Variants in CDC6 observed in about 807,000 individuals in gnomAD.
The protein encoded by CDC6 is cell division cycle 6.
Under a neutral mutation model 60.2 loss-of-function variants are expected in CDC6, and 46 were observed. That is an observed-to-expected ratio of 0.76 (90% CI 0.60 to 0.98). The LOEUF is 0.98. Among genes scored for constraint, CDC6 ranks in the 50% least tolerant of loss-of-function variants. The probability of loss-of-function intolerance (pLI) is 0.00; values close to 1 mark genes in which losing one functional copy is unlikely to be tolerated. For missense variants in CDC6, 596 were observed against 652.9 expected (o/e 0.91, Z 0.95); for synonymous variants, 210 against 233.2 (o/e 0.90, Z 0.90).
chr17:40,295,623 C>G, intron 8 of CDC6, 167 bp downstream of exon 8: 1 of 621,630 alleles, frequency 1.6e-6, no homozygotes, highest in Non-Finnish European at 2.9e-6. Flanking sequence ...GGATTTCCAC[C>G]GTGTTAATGT....
chr17:40,294,217 A>G (rs975581842), intron 6 of CDC6, 147 bp from the exon 7 acceptor site: 5 of 860,048 alleles, frequency 5.8e-6, no homozygotes, highest in Admixed American at 1.9e-5. Context: ...GATACATCTT[A>G]TCTATTGGGA....
Position 40,291,626 on chromosome 17 carries a change from TG to T in CDC6, c.620del (p.Gly207GlufsTer6). ...SLYLSGAPGT[G>X]KTACLSRILQ... is the part of the protein sequence containing the mutation. Reference sequence around the variant, plus strand: ...TTTACCTTTCTGGTGCTCCTGGAACTGGAAAAACTGCCTGCTTAAGCCGGAT... The same window carrying T: ...TTTACCTTTCTGGTGCTCCTGGAACTGAAAAACTGCCTGCTTAAGCCGGAT... On this transcript the variant is annotated frameshift_variant, in exon 4 of 12. Transcript: ENST00000209728. LOFTEE classifies it high-confidence loss of function. The T allele has an allele frequency of 6.2e-7, 1 of 1,614,230 alleles. No individual in the cohort carries two copies. Among genetic ancestry groups the T allele is most frequent in the Non-Finnish European group, 8.5e-7 (1 of 1,180,036 alleles).
chr17:40,296,708 C>G lies in CDC6; in HGVS notation c.1190C>G (p.Ala397Gly), dbSNP rs1598516994. 6.3e-7 allele frequency: 1 copy of G among 1,590,698 alleles called. No homozygotes were observed. Residue 397 changes from alanine (A) to glycine (G), a missense_variant, in exon 9 of 12, where the codon GCT (alanine) becomes GGT (glycine). By Grantham distance (60) the Ala-to-Gly change is moderately conservative. Transcript: ENST00000209728. ...TTTAGAAATTTTTTTTATAGGAGAG[C>G]TATTGAAATTGTAGAGTCAGATGTC... ...VRKALDVCRR[A>G]IEIVESDVKS...
rs1340785197 is a variant in CDC6 at position 40,295,394 on chromosome 17, A to G, written c.1122A>G (p.Gln374=). 17 of 1,613,850 alleles carry G rather than the reference A, an allele frequency of 1.1e-5. No homozygotes were observed. Among genetic ancestry groups the G allele is most frequent in the East Asian group, 2.2e-5 (1 of 44,894 alleles). The part of the protein sequence containing the change: ...RDQVLDNAAV[Q]FCARKVSAVS... ...AGGTTCTGGACAATGCTGCAGTTCA[A>G]TTCTGTGCCCGCAAAGTCTCTGCTG... The change falls in exon 8 of 12, where the codon CAA becomes CAG. Residue 374 remains glutamine, a synonymous_variant. Transcript: ENST00000209728.
At chr17:40,299,619 C>T (rs2032909716) in intron 9 of CDC6, among the ~76,000 whole-genome samples, 2 of 152,180 alleles carry the variant, frequency 1.3e-5, no homozygotes, top group South Asian at 4.2e-4. Flanking sequence ...GATATCTGGC[C>T]AGGCATGGTG....
rs753803169 is a variant in CDC6, at chr17:40,302,274, G to A, written c.*273G>A. 4.3e-6 allele frequency: 2 copies of A among 466,514 alleles called. No individual in the cohort carries two copies. Among genetic ancestry groups the A allele is most frequent in the Non-Finnish European group, 7.8e-6 (2 of 256,050 alleles). The allele number at this position is 466,514 out of a possible 1,614,324, so 28.9% of individuals were successfully genotyped here. On this transcript the variant is annotated 3_prime_UTR_variant, in exon 12 of 12. Coordinates refer to ENST00000209728, the MANE Select transcript of CDC6 (RefSeq NM_001254.4). ...ATCTCTAGCCAATGTGCTTGCAAGTGTACAGATCTGTGTAGAGGAATGTGT... is the reference window on the plus strand; with the variant it reads ...ATCTCTAGCCAATGTGCTTGCAAGTATACAGATCTGTGTAGAGGAATGTGT...
chr17:40,300,109 C>G (rs532797550), intron 9 of CDC6, among the ~76,000 whole-genome samples: 12 of 152,064 alleles, frequency 7.9e-5, no homozygotes, highest in Admixed American at 5.2e-4. Flanking sequence ...ATTACAGGCG[C>G]CTGCCACCAC....
chr17:40,298,238 G>A (rs2032885927), intron 9 of CDC6, among the ~76,000 whole-genome samples: 1 of 152,046 alleles, frequency 6.6e-6, no homozygotes, highest in African/African-American at 2.4e-5. Flanking sequence ...CAACTTTTCA[G>A]ATTATCCCCT....
intron 9 of CDC6, among the ~76,000 whole-genome samples, chr17:40,299,525 T>G (rs2032908703): frequency 6.6e-6 from 1 of 152,148 alleles, no homozygotes; most frequent in Non-Finnish European, 1.5e-5. Context: ...TATTTGGTTT[T>G]CTGTTCCTAC....
intron 1 of CDC6, among the ~76,000 whole-genome samples, chr17:40,288,532 C>T (rs2032696629): frequency 6.6e-6 from 1 of 151,986 alleles, no homozygotes; most frequent in Admixed American, 6.6e-5. Flanking sequence ...CATTCTCCTG[C>T]CTCAGCCTCT....
chr17:40,294,487 A>C lies in CDC6; in HGVS notation c.1067A>C (p.Gln356Pro). ...AGAAATCAGATAGTCACTATTTTGC[A>C]AGATCGACTTAATCAGGTCAGTGCC... ...YTRNQIVTIL[Q>P]DRLNQVSRDQ... Residue 356 changes from glutamine to proline, a missense_variant, in exon 7 of 12, where the codon CAA becomes CCA. Gln to Pro is a moderately conservative substitution (Grantham distance 76, BLOSUM62 -1). Transcript: ENST00000209728. The C allele has an allele frequency of 2.5e-6, 4 of 1,614,084 alleles. No homozygotes were observed. Among genetic ancestry groups the C allele is most frequent in the Non-Finnish European group, 3.4e-6 (4 of 1,179,990 alleles).
At chr17:40,298,479 C>T (rs893168836) in intron 9 of CDC6, among the ~76,000 whole-genome samples, 3 of 150,716 alleles carry the variant, frequency 2.0e-5, no homozygotes, top group African/African-American at 7.3e-5. Context: ...ATGGCTGGTG[C>T]GATCATGGCT....
chr17:40,298,322 A>T lies in CDC6; in HGVS notation c.1249+1555A>T, dbSNP rs562049647. Among the ~76,000 whole-genome samples the T allele has an allele frequency of 2.0e-5, 3 of 152,096 alleles. No individual in the cohort carries two copies. The South Asian group carries it at 6.2e-4, about 32-fold the overall frequency. On this transcript the variant is annotated intron_variant, in intron 9 of 11. Coordinates refer to ENST00000209728, the MANE Select transcript of CDC6 (RefSeq NM_001254.4). ...CCCTGTGAGCACCACTAACACAAAC[A>T]TAATTCAAAAAGGTAAAGAGGTTGT...
chr17:40,291,822 T>G (rs1425076093), intron 4 of CDC6, among the ~76,000 whole-genome samples, 154 bp downstream of exon 4: 1 of 152,222 alleles, frequency 6.6e-6, no homozygotes, highest in East Asian at 1.9e-4. Flanking sequence ...CTCGGCTCAC[T>G]GCAAGCTCTG....
intron 7 of CDC6, 34 bp downstream of exon 7, chr17:40,294,537 C>T: frequency 6.2e-7 from 1 of 1,602,578 alleles, no homozygotes; most frequent in South Asian, 1.1e-5. Context: ...ATTATGTGTT[C>T]CTTGGATCAC....
intron 9 of CDC6, among the ~76,000 whole-genome samples, chr17:40,298,578 AGTCAGTGGGTGGAGGAGTCTCCTTATGTT>A (rs1381781059): frequency 1.3e-5 from 2 of 151,790 alleles, no homozygotes; most frequent in Admixed American, 6.6e-5. Flanking sequence ...ATTTTTGTAG[AGTCAGTGGGTGGAGGAGTCTCCTTATGTT>A]GCCCAGGCTG....
At chr17:40,293,696 A>C in intron 5 of CDC6, 65 bp downstream of exon 5, 1 of 1,285,546 alleles carries the variant, frequency 7.8e-7, no homozygotes, top group Non-Finnish European at 1.1e-6. Context: ...CATAAAAAGT[A>C]CATTTTGTAT....
rs935249267 is a variant in CDC6 at position 40,291,509 on chromosome 17, T to A, written c.501T>A (p.Ala167=). Reference sequence around the variant, plus strand: ...AAGCAAAGCTGGTCCTGAACACAGCTGTCCCAGATCGGCTGCCTGCCAGGG... The same window carrying A: ...AAGCAAAGCTGGTCCTGAACACAGCAGTCCCAGATCGGCTGCCTGCCAGGG... ...YQQAKLVLNT[A]VPDRLPARER... The change falls in exon 4 of 12, where the codon GCT becomes GCA. Residue 167 remains alanine, a synonymous_variant. Transcript: ENST00000209728. 1.9e-6 allele frequency: 3 copies of A among 1,614,258 alleles called. No individual in the cohort carries two copies.
chr17:40,294,174 A>G (rs779079149), intron 6 of CDC6, 118 bp downstream of exon 6: 227 of 990,466 alleles, frequency 2.3e-4, no homozygotes, highest in Middle Eastern at 4.1e-4. Flanking sequence ...TCAAAATAAG[A>G]AAGTTAAATG....
Sources: allele counts gnomAD v4.1 joint callset (sites outside exome capture counted in the v4.1 genomes callset), GRCh38; gene constraint gnomAD v4.1.1; transcripts MANE v1.5; gene names NCBI Gene and HGNC (gene_info 2026-07-23, HGNC 2026-07-21).